PDZRN3: variants seen among roughly 807,000 people sequenced by gnomAD.
The protein encoded by PDZRN3 is E3 ubiquitin-protein ligase PDZRN3.
PDZRN3 carries 38 observed loss-of-function variants against 85.7 expected under a neutral mutation model. The ratio of observed to expected loss-of-function variants is 0.44; its 90% CI spans 0.34 to 0.58. The LOEUF (loss-of-function observed/expected upper bound fraction) is 0.58, where lower values mean the gene tolerates loss of function less well. Ranked by LOEUF, PDZRN3 falls within the 20% of genes least tolerant of loss-of-function variation. The pLI is 0.01. For missense variants in PDZRN3, 1,629 were observed against 1,506.4 expected (o/e 1.08, Z -1.35); for synonymous variants, 759 against 638.0 (o/e 1.19, Z -2.86).
In PDZRN3 at chr3:73,383,944, C is replaced by T. The variant is rs1470155312; in HGVS notation, c.2622G>A (p.Pro874=). The change falls in exon 10 of 10, where the codon CCG becomes CCA. Residue 874 remains proline, a synonymous_variant. Transcript: ENST00000263666. ...AGCTCTGGTAGTGCTGGGCGTGCGCCGGGATGTGCGCGTGCTTGTATGGGG... is the reference window on the plus strand; with the variant it reads ...AGCTCTGGTAGTGCTGGGCGTGCGCTGGGATGTGCGCGTGCTTGTATGGGG... The part of the protein sequence containing the change: ...HHSPYKHAHI[P]AHAQHYQSYM... 4.4e-6 allele frequency: 7 copies of T among 1,604,188 alleles called. No homozygotes were observed. The highest frequency in any genetic ancestry group is 2.2e-5 in the East Asian group (1 of 44,758).
At chr3:73,585,730 G>T (rs1196337717) in intron 3 of PDZRN3, among the ~76,000 whole-genome samples, 1 of 152,194 alleles carries the variant, frequency 6.6e-6, no homozygotes, top group Non-Finnish European at 1.5e-5. Flanking sequence ...ACTCAAAATA[G>T]GTGTCAGCAA....
chr3:73,477,438 C>A (rs1198228189), intron 3 of PDZRN3, among the ~76,000 whole-genome samples: 5 of 152,164 alleles, frequency 3.3e-5, no homozygotes, highest in Non-Finnish European at 5.9e-5. Flanking sequence ...AAAAGTGAGA[C>A]AGATAATTCC....
chr3:73,401,723 A>C (rs1701753726), intron 4 of PDZRN3: 1 of 152,258 alleles, frequency 6.6e-6, no homozygotes, highest in South Asian at 2.1e-4. Flanking sequence ...TGGAAACGTC[A>C]TTAATGCAAC....
At chr3:73,466,649 T>C (rs888591568) in intron 3 of PDZRN3, among the ~76,000 whole-genome samples, 1 of 152,172 alleles carries the variant, frequency 6.6e-6, no homozygotes. Flanking sequence ...GGGTTTATCC[T>C]CACCCTCTCC....
At chr3:73,496,209 A>C (rs1485018820) in intron 3 of PDZRN3, among the ~76,000 whole-genome samples, 1 of 152,234 alleles carries the variant, frequency 6.6e-6, no homozygotes, top group South Asian at 2.1e-4. Context: ...CCCTGTACCC[A>C]TCATTTAACT....
At chr3:73,560,984 G>T (rs1321190755) in intron 3 of PDZRN3, among the ~76,000 whole-genome samples, 1 of 152,168 alleles carries the variant, frequency 6.6e-6, no homozygotes, top group Non-Finnish European at 1.5e-5. Flanking sequence ...AGAAGAACAA[G>T]CAACTATGTA....
At chr3:73,528,232 G>T (rs911283712) in intron 3 of PDZRN3, among the ~76,000 whole-genome samples, 5 of 152,120 alleles carry the variant, frequency 3.3e-5, no homozygotes, top group African/African-American at 9.7e-5. Flanking sequence ...ACCTTCCAAC[G>T]CCCAGTCCTG....
intron 3 of PDZRN3, among the ~76,000 whole-genome samples, chr3:73,459,462 A>G (rs898765875): frequency 6.6e-6 from 1 of 152,200 alleles, no homozygotes; most frequent in African/African-American, 2.4e-5. Flanking sequence ...TACTAAGCCC[A>G]GTACCCAATA....
intron 3 of PDZRN3, among the ~76,000 whole-genome samples, chr3:73,468,437 G>C (rs754205425): frequency 9.8e-4 from 148 of 151,474 alleles, no homozygotes; most frequent in Non-Finnish European, 1.7e-3. Context: ...AAATACAGTC[G>C]CTTACTCTTT....
intron 3 of PDZRN3, among the ~76,000 whole-genome samples, chr3:73,464,233 C>T (rs1703165237): frequency 6.6e-6 from 1 of 152,148 alleles, no homozygotes. Flanking sequence ...GATCCGCCCA[C>T]CTCGGCCTCC....
intron 3 of PDZRN3, chr3:73,408,231 T>C: frequency 1.4e-6 from 1 of 702,986 alleles, no homozygotes; most frequent in South Asian, 1.5e-5. Context: ...CTTTGGGCAA[T>C]TTAACTGTTC....
chr3:73,594,967 C>G (rs1702412319), intron 3 of PDZRN3, among the ~76,000 whole-genome samples: 1 of 152,132 alleles, frequency 6.6e-6, no homozygotes, highest in Non-Finnish European at 1.5e-5. Context: ...AGCAAATACA[C>G]AGCAAAAAGT....
At position 73,400,921 on chromosome 3, in the gene PDZRN3, C is replaced by CATCCAG; in HGVS notation, c.1254_1254+1insCTGGAT (p.Glu418_Glu419insLeuAsp). 6.2e-7 allele frequency: 1 copy of CATCCAG among 1,602,480 alleles called. No individual in the cohort carries two copies. The highest frequency in any genetic ancestry group is 8.6e-7 in the Non-Finnish European group (1 of 1,169,384). On this transcript the variant is annotated inframe_insertion and splice_region_variant. Transcript: ENST00000263666. ...AAATGAGACAAGGATGTTCTTCATA[C>CATCCAG]CTCCAGCTCCAGCTCCTCCCTGTCC...
intron 3 of PDZRN3, among the ~76,000 whole-genome samples, chr3:73,421,156 G>C (rs927031955): frequency 2.6e-5 from 4 of 152,116 alleles, no homozygotes; most frequent in South Asian, 4.1e-4. Context: ...ATGAAGTGCT[G>C]ACTATATGCC....
intron 3 of PDZRN3, among the ~76,000 whole-genome samples, chr3:73,456,642 C>T (rs1397012089): frequency 1.3e-5 from 2 of 152,104 alleles, no homozygotes; most frequent in East Asian, 1.9e-4. Flanking sequence ...ATATGCCTCC[C>T]ATCACAATAA....
intron 5 of PDZRN3, among the ~76,000 whole-genome samples, chr3:73,393,318 A>C (rs1187052986): frequency 6.6e-6 from 1 of 152,204 alleles, no homozygotes; most frequent in South Asian, 2.1e-4. Flanking sequence ...AGTACAGAAG[A>C]TTCTACAGTT....
intron 3 of PDZRN3, among the ~76,000 whole-genome samples, chr3:73,574,504 G>T (rs758306427): frequency 3.1e-4 from 47 of 151,694 alleles, no homozygotes; most frequent in Non-Finnish European, 6.0e-4. Context: ...TGTTGTCCAG[G>T]TTGGAGGGCA....
intron 3 of PDZRN3, among the ~76,000 whole-genome samples, chr3:73,572,144 T>A (rs953787462): frequency 6.6e-6 from 1 of 152,202 alleles, no homozygotes; most frequent in Non-Finnish European, 1.5e-5. Context: ...GTCATTCTTG[T>A]TTCAAATTCT....
At chr3:73,440,440 G>C (rs1484314213) in intron 3 of PDZRN3, among the ~76,000 whole-genome samples, 1 of 152,190 alleles carries the variant, frequency 6.6e-6, no homozygotes. Flanking sequence ...CCCTGCCCTA[G>C]GCCACCAGCA....
Sources: allele counts gnomAD v4.1 joint callset (sites outside exome capture counted in the v4.1 genomes callset), GRCh38; gene constraint gnomAD v4.1.1; transcripts MANE v1.5; gene names NCBI Gene and HGNC (gene_info 2026-07-23, HGNC 2026-07-21).